Variants in TRPM8 observed in about 807,000 individuals in gnomAD.
TRPM8 encodes TRPM8 cationic channel.
In TRPM8, 110 loss-of-function variants were observed where a neutral mutation model predicts 133.7. That is an observed-to-expected ratio of 0.82 (90% CI 0.70 to 0.96). The LOEUF is 0.96. Ranked by LOEUF, TRPM8 falls within the 40% of genes least tolerant of loss-of-function variation. The probability of loss-of-function intolerance (pLI) is 0.00; values close to 1 mark genes in which losing one functional copy is unlikely to be tolerated. For synonymous variants in TRPM8, 535 were observed against 532.3 expected, an observed-to-expected ratio of 1.01 and a Z score of -0.07; for missense variants, 1,291 against 1,379.5, an observed-to-expected ratio of 0.94 and a Z score of 1.02.
chr2:233,977,669 G>A (rs926170196), intron 17 of TRPM8, among the ~76,000 whole-genome samples: 17 of 152,200 alleles, frequency 1.1e-4, no homozygotes, highest in African/African-American at 4.1e-4. Flanking sequence ...CCTCCCCCGA[G>A]GAGCCTGCCT....
chr2:234,000,474 T>C (rs1301322385), intron 22 of TRPM8, among the ~76,000 whole-genome samples: 4 of 152,182 alleles, frequency 2.6e-5, no homozygotes, highest in African/African-American at 9.7e-5. Flanking sequence ...AATTTGGCAT[T>C]GAAAAGGCTT....
chr2:233,935,178 G>A lies in TRPM8; in HGVS notation c.192-2175G>A, dbSNP rs372986068. ...GGACATTTGCTAAATGCCCTGATGT[G>A]CCAGAAACATGGGGACAGAGAATAT... On this transcript the variant is annotated intron_variant, in intron 3 of 25. Transcript: ENST00000324695. Among the ~76,000 whole-genome samples, 298 of 152,332 alleles carry A rather than the reference G, an allele frequency of 2.0e-3. 2 individuals are homozygous for A. Among genetic ancestry groups the A allele is most frequent in the African/African-American group, 7.0e-3 (291 of 41,570 alleles).
intron 5 of TRPM8, among the ~76,000 whole-genome samples, chr2:233,941,235 A>C (rs1242468562): frequency 6.6e-6 from 1 of 152,330 alleles, no homozygotes; most frequent in African/African-American, 2.4e-5. Context: ...ACTTTTAGCT[A>C]TACGGATTTT....
At position 233,983,150 on chromosome 2, in the gene TRPM8, G is replaced by A. The variant is rs778799398; in HGVS notation, c.2687G>A (p.Trp896Ter). The A allele has an allele frequency of 1.9e-6, 3 of 1,614,182 alleles. No homozygotes were observed. Among genetic ancestry groups the A allele is most frequent in the South Asian group, 2.2e-5 (2 of 91,082 alleles). The change falls in exon 20 of 26, where the codon TGG (tryptophan) becomes TAG (stop). Residue 896 changes from tryptophan (W) to a stop codon, truncating the protein, a stop_gained. Coordinates refer to ENST00000324695, the MANE Select transcript of TRPM8 (RefSeq NM_024080.5). LOFTEE classifies it high-confidence loss of function. ...QGILRQNEQR[W>*]RWIFRSVIYE... ...ATCCTTAGGCAGAATGAGCAGCGCT[G>A]GAGGTGGATATTCCGTTCGGTCATC... is the stretch of plus-strand genomic sequence containing the variant.
intron 11 of TRPM8, among the ~76,000 whole-genome samples, chr2:233,957,365 C>T (rs991922570): frequency 3.3e-5 from 5 of 151,772 alleles, no homozygotes; most frequent in Non-Finnish European, 5.9e-5. Context: ...GGCACATACC[C>T]GTAGTCCAGG....
intron 8 of TRPM8, chr2:233,947,695 C>T (rs540680318): frequency 4.1e-6 from 4 of 985,702 alleles, no homozygotes; most frequent in Non-Finnish European, 5.6e-6. Flanking sequence ...GACTTCCCAG[C>T]CAATCTGTAT....
intron 11 of TRPM8, 189 bp downstream of exon 11, chr2:233,955,439 G>C (rs1421592623): frequency 1.8e-5 from 9 of 507,864 alleles, no homozygotes; most frequent in Non-Finnish European, 2.5e-5. Context: ...GACTTAGTAG[G>C]TTTGTTGTGA....
At chr2:233,998,093 C>T (rs1353216791) in intron 22 of TRPM8, among the ~76,000 whole-genome samples, 3 of 152,098 alleles carry the variant, frequency 2.0e-5, no homozygotes, top group Admixed American at 1.3e-4. Context: ...AAAGGGCACC[C>T]CTGGCCTTTT....
At chr2:233,944,639 A>T (rs979735216) in intron 6 of TRPM8, among the ~76,000 whole-genome samples, 1 of 152,250 alleles carries the variant, frequency 6.6e-6, no homozygotes, top group East Asian at 1.9e-4. Context: ...ATAATCATAG[A>T]TAACTTAGAA....
chr2:233,918,728 C>T (rs1691351219), intron 1 of TRPM8, among the ~76,000 whole-genome samples: 1 of 152,310 alleles, frequency 6.6e-6, no homozygotes, highest in South Asian at 2.1e-4. Flanking sequence ...TAAATCTCAG[C>T]TCTCTCCTGG....
intron 2 of TRPM8, among the ~76,000 whole-genome samples, chr2:233,929,557 G>A (rs139644679): frequency 6.6e-6 from 1 of 152,236 alleles, no homozygotes; most frequent in Non-Finnish European, 1.5e-5. Context: ...CCAGCTGCCA[G>A]TATCTGGTGA....
Position 233,997,925 on chromosome 2 carries a change from G to T in TRPM8, c.3130+1409G>T, listed in dbSNP as rs562444935. On this transcript the variant is annotated intron_variant, in intron 22 of 25. Transcript: ENST00000324695. Reference sequence around the variant, plus strand: ...GGAGCCAGCATCCAGCTCTCTTCCTGGCCCTGTAGGAAACCACATCAGGCT... The same window carrying T: ...GGAGCCAGCATCCAGCTCTCTTCCTTGCCCTGTAGGAAACCACATCAGGCT... Among the ~76,000 whole-genome samples the T allele has an allele frequency of 5.3e-5, 8 of 152,228 alleles. No individual in the cohort carries two copies. In the East Asian group the frequency reaches 1.5e-3, roughly 29 times the overall value.
intron 4 of TRPM8, 141 bp downstream of exon 4, chr2:233,937,650 C>T: frequency 2.8e-6 from 3 of 1,053,000 alleles, no homozygotes; most frequent in South Asian, 1.6e-5. Flanking sequence ...GAAAAAGATA[C>T]ATCTTGTAAA....
intron 11 of TRPM8, 131 bp from the exon 12 acceptor site, chr2:233,960,643 ATT>A: frequency 1.4e-6 from 1 of 702,218 alleles, no homozygotes; most frequent in Non-Finnish European, 2.4e-6. Context: ...TCAAGACAGG[ATT>A]GAAAGAGAAG....
At chr2:233,983,351 A>G in intron 20 of TRPM8, 127 bp downstream of exon 20, 1 of 1,055,640 alleles carries the variant, frequency 9.5e-7, no homozygotes, top group Non-Finnish European at 1.4e-6. Flanking sequence ...AACATAACAG[A>G]GTAAAAACTC....
chr2:233,942,071 C>CTGTTTT lies in TRPM8; in HGVS notation c.527-504_527-503insGTTTTT, dbSNP rs1553656129. On this transcript the variant is annotated intron_variant, in intron 5 of 25. Transcript: ENST00000324695. The stretch of plus-strand genomic sequence containing the variant: ...GCAGATCTGGAATAGGGTCAAGAAT[C>CTGTTTT]TTTTTTTTTTTTTTTTTTTTCTTTT... Among the ~76,000 whole-genome samples, 604 of 111,644 alleles carry CTGTTTT rather than the reference C, an allele frequency of 5.4e-3. 73 individuals are homozygous for CTGTTTT. The highest frequency in any genetic ancestry group is 0.022 in the African/African-American group (554 of 25,624). 73.2% of individuals were successfully genotyped at this position (111,644 alleles called of 152,430 possible).
chr2:233,927,991 A>G (rs1474693060), intron 2 of TRPM8, among the ~76,000 whole-genome samples: 1 of 111,990 alleles, frequency 8.9e-6, no homozygotes, highest in East Asian at 2.5e-4. Context: ...TTTTTTTGAG[A>G]CGGAGTCTCG....
At position 233,966,670 on chromosome 2, in the gene TRPM8, C is replaced by G. The variant is rs200718215; in HGVS notation, c.1940C>G (p.Ser647Cys). 1.9e-6 allele frequency: 3 copies of G among 1,613,980 alleles called. No homozygotes were observed. The highest frequency in any genetic ancestry group is 1.7e-6 in the Non-Finnish European group (2 of 1,179,958). The change falls in exon 15 of 26, where the codon TCC becomes TGC. Residue 647 changes from serine to cysteine, a missense_variant. By Grantham distance (112) the Ser-to-Cys change is moderately radical (BLOSUM62 -1). This residue lies in a region of TRPM8 where 963 missense variants were observed against 968.9 expected (regional missense o/e 0.99). Transcript: ENST00000324695. ...EDLAEQLLVY[S>C]CEAWGGSNCL... ...TTGGCAGAACAGCTGCTGGTCTATTCCTGTGAAGCTTGGGGTGGAAGCAAC... is the reference window on the plus strand; with the variant it reads ...TTGGCAGAACAGCTGCTGGTCTATTGCTGTGAAGCTTGGGGTGGAAGCAAC...
chr2:233,999,429 C>T (rs767928102), intron 22 of TRPM8, among the ~76,000 whole-genome samples: 1 of 152,064 alleles, frequency 6.6e-6, no homozygotes, highest in African/African-American at 2.4e-5. Context: ...AAGTCACAGG[C>T]CCACCCAGAC....
Sources: allele counts gnomAD v4.1 joint callset (sites outside exome capture counted in the v4.1 genomes callset), GRCh38; gene constraint gnomAD v4.1.1; regional missense constraint gnomAD v4.1.1; transcripts MANE v1.5; gene names NCBI Gene and HGNC (gene_info 2026-07-23, HGNC 2026-07-21).